The following IMPG1 variants were observed in gnomAD, a reference collection of about 807,000 sequenced individuals.
IMPG1 encodes interphotoreceptor matrix proteoglycan 1, also known as interphotoreceptor matrix proteoglycan of 150 kDa.
A neutral mutation model predicts 92.0 loss-of-function variants in IMPG1; 85 were observed. That is an observed-to-expected ratio of 0.92 (90% CI 0.78 to 1.11). IMPG1 has a LOEUF of 1.11. IMPG1 is among the 50% of genes least tolerant of loss of function. The pLI, the probability that IMPG1 is intolerant of heterozygous loss-of-function variation, is 0.00. For missense variants in IMPG1, 1,022 were observed against 956.0 expected, an observed-to-expected ratio of 1.07 and a Z score of -0.91; for synonymous variants, 367 against 334.1, an observed-to-expected ratio of 1.10 and a Z score of -1.08.
At chr6:76,033,910 C>T (rs1562377882) in intron 4 of IMPG1, among the ~76,000 whole-genome samples, 1 of 152,144 alleles carries the variant, frequency 6.6e-6, no homozygotes, top group Non-Finnish European at 1.5e-5. Context: ...TAACACTTCA[C>T]AGAATACCAA....
intron 2 of IMPG1, among the ~76,000 whole-genome samples, chr6:76,034,999 CGT>C (rs148840963): frequency 2.7e-4 from 41 of 149,714 alleles, no homozygotes; most frequent in African/African-American, 5.1e-4. Context: ...ATATTATGTG[CGT>C]GTGTGTGTGT....
At chr6:76,056,648 A>G (rs972607698) in intron 1 of IMPG1, among the ~76,000 whole-genome samples, 2 of 152,178 alleles carry the variant, frequency 1.3e-5, no homozygotes, top group Non-Finnish European at 2.9e-5. Context: ...TATTTCCACC[A>G]ACAATGTTCA....
At chr6:75,985,299 GC>G (rs929461707) in intron 12 of IMPG1, among the ~76,000 whole-genome samples, 6 of 152,244 alleles carry the variant, frequency 3.9e-5, no homozygotes, top group Admixed American at 1.3e-4. Flanking sequence ...TTAAAATGCT[GC>G]CCCTGGCAGA....
chr6:75,966,471 A>AC (rs1028130789), intron 12 of IMPG1, among the ~76,000 whole-genome samples: 1 of 151,556 alleles, frequency 6.6e-6, no homozygotes, highest in African/African-American at 2.4e-5. Flanking sequence ...TCTTGCTCTC[A>AC]CCCCCTCCTG....
chr6:76,037,354 G>A (rs533621648), intron 2 of IMPG1, among the ~76,000 whole-genome samples: 4 of 152,308 alleles, frequency 2.6e-5, no homozygotes, highest in African/African-American at 9.6e-5. Context: ...AGACAGGAGA[G>A]GGTGCAGTCC....
Position 75,940,444 on chromosome 6 carries a change from C to T in IMPG1, c.2044+6870G>A, listed in dbSNP as rs191762002. Among the ~76,000 whole-genome samples the T allele has an allele frequency of 2.0e-5, 3 of 152,212 alleles. No homozygotes were observed. The East Asian group carries it at 5.8e-4, about 29-fold the overall frequency. The stretch of plus-strand genomic sequence containing the variant: ...AAAAACAAATTAATATACGCACCAC[C>T]CTTTGTACCTATTTTATATTTTTCC... On this transcript the variant is annotated intron_variant, in intron 14 of 16. Coordinates refer to ENST00000369950, the MANE Select transcript of IMPG1 (RefSeq NM_001563.4).
chr6:76,042,163 C>T (rs1307334975), intron 1 of IMPG1, 37 bp from the exon 2 acceptor site: 2 of 1,034,972 alleles, frequency 1.9e-6, no homozygotes, highest in South Asian at 2.6e-5. Flanking sequence ...TGAATATATA[C>T]ATTTATGTGT....
rs567282874 is a variant in IMPG1, at chr6:76,067,825, A to C, written c.67+4597T>G. Among the ~76,000 whole-genome samples, 5 of 152,308 alleles carry C rather than the reference A, an allele frequency of 3.3e-5. No homozygotes were observed. In the East Asian group the frequency reaches 9.6e-4, roughly 29 times the overall value. Reference sequence around the variant, plus strand: ...ACAAATCGAATCCAACAGCACAAGAAAAAGACAATAACCATAATCAGATGA... The same window carrying C: ...ACAAATCGAATCCAACAGCACAAGACAAAGACAATAACCATAATCAGATGA... On this transcript the variant is annotated intron_variant, in intron 1 of 16. Transcript: ENST00000369950.
rs530136840 is a variant in IMPG1, at chr6:75,941,660, ACT to A, written c.2044+5652_2044+5653del. On this transcript the variant is annotated intron_variant, in intron 14 of 16. Transcript: ENST00000369950. ...TGGATTATGGTCCAGACGTTTTACA[ACT>A]CTATAAAATTAGAAATTAGTGTAGA... Among the ~76,000 whole-genome samples the A allele has an allele frequency of 2.8e-3, 424 of 152,302 alleles. 2 individuals carry two copies. The highest frequency in any genetic ancestry group is 9.9e-3 in the African/African-American group (410 of 41,554).
intron 7 of IMPG1, among the ~76,000 whole-genome samples, chr6:76,016,701 G>A (rs1040468839): frequency 2.6e-5 from 4 of 152,206 alleles, no homozygotes; most frequent in African/African-American, 9.6e-5. Context: ...AGTAAGATTC[G>A]TGTGCACTCC....
At chr6:76,015,209 G>C (rs1348301866) in intron 7 of IMPG1, among the ~76,000 whole-genome samples, 3 of 152,158 alleles carry the variant, frequency 2.0e-5, no homozygotes, top group Non-Finnish European at 4.4e-5. Flanking sequence ...GTTTATTGTG[G>C]AAATTAAATT....
At chr6:75,949,621 G>C (rs193003282) in intron 13 of IMPG1, among the ~76,000 whole-genome samples, 2 of 152,034 alleles carry the variant, frequency 1.3e-5, no homozygotes, top group East Asian at 3.9e-4. Flanking sequence ...TCTTTCTTAC[G>C]TGAGATCCAA....
In IMPG1 at chr6:76,042,092, T is replaced by G; in HGVS notation, c.102A>C (p.Lys34Asn). Residue 34 changes from lysine to asparagine, a missense_variant, in exon 2 of 17, where the codon AAA becomes AAC. Around this residue, in one of 3 missense-constraint regions of IMPG1, gnomAD observed 681 missense variants for 583.6 expected, o/e 1.17. Coordinates refer to ENST00000369950, the MANE Select transcript of IMPG1 (RefSeq NM_001563.4). Reference protein sequence around the residue: ...ISINIYHSETKDIDNPPRNET... With the variant: ...ISINIYHSETNDIDNPPRNET... Reference sequence around the variant, plus strand: ...CATTTCTTGGGGGATTGTCTATGTCTTTAGTTTCAGAATGGTATATGTTAA... The same window carrying G: ...CATTTCTTGGGGGATTGTCTATGTCGTTAGTTTCAGAATGGTATATGTTAA... 1 of 1,600,668 alleles carries G rather than the reference T, an allele frequency of 6.2e-7. No individual in the cohort carries two copies.
At chr6:75,959,955 G>A (rs1401429480) in intron 12 of IMPG1, among the ~76,000 whole-genome samples, 1 of 152,122 alleles carries the variant, frequency 6.6e-6, no homozygotes, top group African/African-American at 2.4e-5. Context: ...TGCTCAAACG[G>A]CTGCCCAGTT....
chr6:75,951,462 G>A (rs1782029840), intron 12 of IMPG1, among the ~76,000 whole-genome samples: 3 of 152,142 alleles, frequency 2.0e-5, no homozygotes, highest in Admixed American at 2.0e-4. Context: ...GTGCCAAACT[G>A]CAGCTGGCAT....
chr6:75,952,936 A>G (rs886901643), intron 12 of IMPG1, among the ~76,000 whole-genome samples: 1 of 152,220 alleles, frequency 6.6e-6, no homozygotes, highest in Non-Finnish European at 1.5e-5. Context: ...CTATTGTTTA[A>G]GACATCCAGT....
At chr6:75,938,184 C>T (rs757742924) in intron 14 of IMPG1, among the ~76,000 whole-genome samples, 3 of 152,178 alleles carry the variant, frequency 2.0e-5, no homozygotes, top group Non-Finnish European at 2.9e-5. Context: ...CTCCTACATG[C>T]CTGCACCTCT....
chr6:75,992,199 C>G (rs1166164948), intron 12 of IMPG1, among the ~76,000 whole-genome samples: 1 of 152,234 alleles, frequency 6.6e-6, no homozygotes, highest in Non-Finnish European at 1.5e-5. Context: ...GTGCAACTTT[C>G]CCTGGTTTTC....
In IMPG1 at chr6:75,951,133, C is replaced by T. The variant is rs747533181; in HGVS notation, c.1292-39G>A. 4.1e-6 allele frequency: 6 copies of T among 1,458,182 alleles called. No individual in the cohort carries two copies. The South Asian group carries it at 7.9e-5, about 19-fold the overall frequency. 90.3% of individuals were successfully genotyped at this position (1,458,182 alleles called of 1,614,324 possible). ...ACAATTTCATTATGTCCAAGTATTC[C>T]CCAAAGAATAGAAAGTGAAAAAAAG... On this transcript the variant is annotated intron_variant, in intron 12 of 16. Coordinates refer to ENST00000369950, the MANE Select transcript of IMPG1 (RefSeq NM_001563.4).
Sources: gnomAD v4.1 joint callset for allele counts (sites outside exome capture counted in the v4.1 genomes callset) on GRCh38, gnomAD v4.1.1 for gene constraint, gnomAD v4.1.1 regional missense constraint, MANE v1.5 for transcripts, NCBI Gene and HGNC (gene_info 2026-07-23, HGNC 2026-07-21) for gene names.